The following GPR89A variants were observed in gnomAD, a reference collection of about 807,000 sequenced individuals.
GPR89A encodes golgi pH regulator A.
A neutral mutation model predicts 52.0 loss-of-function variants in GPR89A; 16 were observed. The ratio of observed to expected loss-of-function variants is 0.31; its 90% CI spans 0.21 to 0.47. The LOEUF is 0.47. Among genes scored for constraint, GPR89A ranks in the 20% least tolerant of loss-of-function variants. The probability of loss-of-function intolerance (pLI) is 1.00; values close to 1 mark genes in which losing one functional copy is unlikely to be tolerated. For missense variants in GPR89A, 135 were observed against 449.4 expected (o/e 0.30, Z 6.33); for synonymous variants, 55 against 150.9 (o/e 0.36, Z 4.66).
At position 145,648,588 on chromosome 1, in the gene GPR89A, T is replaced by C. The variant is rs587691722; in HGVS notation, c.909+1321T>C. Among the ~76,000 whole-genome samples, 45 of 151,684 alleles carry C rather than the reference T, an allele frequency of 3.0e-4. No homozygotes were observed. The East Asian group carries it at 8.0e-3, about 27-fold the overall frequency. On this transcript the variant is annotated intron_variant, in intron 10 of 13. Coordinates refer to ENST00000313835, the MANE Select transcript of GPR89A (RefSeq NM_001097612.2). ...TCTGCCTCCTGGGCCCAAGCAATTC[T>C]CCTGCCTCAGCCTCCCGAGTGGCTG...
intron 10 of GPR89A, among the ~76,000 whole-genome samples, chr1:145,661,468 A>G (rs1652199043): frequency 6.7e-6 from 1 of 150,162 alleles, no homozygotes; most frequent in South Asian, 2.1e-4. Flanking sequence ...ATAATAAAAT[A>G]AAATAAAAAC....
intron 12 of GPR89A, among the ~76,000 whole-genome samples, chr1:145,666,612 G>A (rs1439575115): frequency 1.3e-4 from 19 of 151,246 alleles, no homozygotes; most frequent in African/African-American, 3.9e-4. Flanking sequence ...ATGCAGGTTT[G>A]TTACATTTGG....
At chr1:145,643,711 T>C (rs1461274902) in intron 7 of GPR89A, among the ~76,000 whole-genome samples, 158 bp from the exon 8 acceptor site, 1 of 143,354 alleles carries the variant, frequency 7.0e-6, no homozygotes, top group Non-Finnish European at 1.5e-5. Flanking sequence ...ATAGTTTCCC[T>C]TCAGTTGTAA....
chr1:145,626,331 G>A (rs587720763), intron 5 of GPR89A, among the ~76,000 whole-genome samples: 4 of 152,128 alleles, frequency 2.6e-5, no homozygotes, highest in South Asian at 2.1e-4. Context: ...CAGCCAGGCC[G>A]CACCAGAGGG....
chr1:145,654,551 T>A (rs1553694185), intron 10 of GPR89A, among the ~76,000 whole-genome samples: 4 of 107,220 alleles, frequency 3.7e-5, no homozygotes, highest in East Asian at 2.7e-4. Flanking sequence ...AGAATCCATC[T>A]ACAAAAAAAA....
In GPR89A at chr1:145,643,605, C is replaced by G. The variant is rs587751735; in HGVS notation, c.618-264C>G. ...ATCCAGAGATGAGGAGATGAAAACT[C>G]TAAGACCTCCCAGCTTCCAAATAGC... On this transcript the variant is annotated intron_variant, in intron 7 of 13. Coordinates refer to ENST00000313835, the MANE Select transcript of GPR89A (RefSeq NM_001097612.2). Among the ~76,000 whole-genome samples, 5 of 152,224 alleles carry G rather than the reference C, an allele frequency of 3.3e-5. No individual in the cohort carries two copies. The South Asian group carries it at 8.3e-4, about 25-fold the overall frequency.
At position 145,670,426 on chromosome 1, in the gene GPR89A, T is replaced by C. The variant is rs1224526538; in HGVS notation, c.*386T>C. On this transcript the variant is annotated 3_prime_UTR_variant, in exon 14 of 14. Transcript: ENST00000313835. ...GTTCACATGGAAAAGGTTATAGCTTTGCCTTGAGATTGACTCATTAAAATC... is the reference window on the plus strand; with the variant it reads ...GTTCACATGGAAAAGGTTATAGCTTCGCCTTGAGATTGACTCATTAAAATC... 6.1e-5 allele frequency: 21 copies of C among 344,216 alleles called. No individual in the cohort carries two copies. Among genetic ancestry groups the C allele is most frequent in the Non-Finnish European group, 1.2e-4 (21 of 181,536 alleles). The allele number at this position is 344,216 out of a possible 1,614,324, so 21.3% of individuals were successfully genotyped here.
At chr1:145,667,072 A>G (rs1652614662) in intron 12 of GPR89A, among the ~76,000 whole-genome samples, 1 of 152,196 alleles carries the variant, frequency 6.6e-6, no homozygotes, top group African/African-American at 2.4e-5. Flanking sequence ...TTATAGCAGC[A>G]TGATTTATAA....
chr1:145,614,273 C>G (rs1648506639), intron 1 of GPR89A, among the ~76,000 whole-genome samples: 1 of 152,152 alleles, frequency 6.6e-6, no homozygotes, highest in Admixed American at 6.5e-5. Context: ...AAAATCTGTC[C>G]TAACCCCTTA....
intron 10 of GPR89A, among the ~76,000 whole-genome samples, chr1:145,656,878 T>G (rs1285707890): frequency 6.6e-5 from 10 of 151,838 alleles, no homozygotes; most frequent in African/African-American, 2.4e-4. Flanking sequence ...CATAGTTTAT[T>G]GAGTATTGTT....
At chr1:145,620,424 G>A (rs1279904225) in intron 3 of GPR89A, among the ~76,000 whole-genome samples, 5 of 151,288 alleles carry the variant, frequency 3.3e-5, no homozygotes, top group African/African-American at 1.2e-4. Context: ...TATATTTACT[G>A]TTTTTGGTAG....
At chr1:145,614,357 ATTATG>A (rs1387074012) in intron 1 of GPR89A, among the ~76,000 whole-genome samples, 1 of 151,998 alleles carries the variant, frequency 6.6e-6, no homozygotes, top group African/African-American at 2.4e-5. Context: ...GCACATCCAT[ATTATG>A]TTATAATTAT....
intron 1 of GPR89A, chr1:145,611,362 G>A (rs1225958603): frequency 3.1e-4 from 46 of 149,784 alleles, no homozygotes; most frequent in Non-Finnish European, 6.2e-4. Flanking sequence ...CCCCCAAGTA[G>A]TCTCCAGTTT....
intron 10 of GPR89A, among the ~76,000 whole-genome samples, chr1:145,662,378 T>C (rs1553695703): frequency 6.6e-6 from 1 of 152,124 alleles, no homozygotes. Flanking sequence ...CTATGAAATC[T>C]ACTTTGTCCG....
chr1:145,641,048 A>G (rs587743409), intron 7 of GPR89A, among the ~76,000 whole-genome samples: 1 of 151,978 alleles, frequency 6.6e-6, no homozygotes, highest in East Asian at 1.9e-4. Context: ...TGGATCACTC[A>G]TACGTTGCTG....
At chr1:145,661,631 T>C (rs1652208659) in intron 10 of GPR89A, among the ~76,000 whole-genome samples, 1 of 146,988 alleles carries the variant, frequency 6.8e-6, no homozygotes, top group East Asian at 2.0e-4. Flanking sequence ...TTGGGTTAAT[T>C]AGTTTTCTCT....
At chr1:145,631,369 TAAAA>T (rs1442772782) in intron 6 of GPR89A, among the ~76,000 whole-genome samples, 3 of 145,310 alleles carry the variant, frequency 2.1e-5, no homozygotes, top group Non-Finnish European at 4.5e-5. Flanking sequence ...TAAAGTATAA[TAAAA>T]AATAAAATAA....
At chr1:145,611,873 G>T (rs1485264759) in intron 1 of GPR89A, among the ~76,000 whole-genome samples, 2 of 151,352 alleles carry the variant, frequency 1.3e-5, no homozygotes, top group Non-Finnish European at 2.9e-5. Context: ...CTCCTAATCT[G>T]TTTGACCCTT....
chr1:145,625,172 A>G (rs1417325803), intron 5 of GPR89A, among the ~76,000 whole-genome samples: 1 of 151,974 alleles, frequency 6.6e-6, no homozygotes, highest in Non-Finnish European at 1.5e-5. Flanking sequence ...TATTTTTAAA[A>G]TAAGAATAAC....
Sources: gnomAD v4.1 joint callset for allele counts (sites outside exome capture counted in the v4.1 genomes callset) on GRCh38, gnomAD v4.1.1 for gene constraint, MANE v1.5 for transcripts, NCBI Gene and HGNC (gene_info 2026-07-23, HGNC 2026-07-21) for gene names.